NPFFR2: variants seen among roughly 807,000 people sequenced by gnomAD.
The protein encoded by NPFFR2 is neuropeptide FF receptor 2, also known as G-protein coupled receptor 74.
A neutral mutation model predicts 13.1 loss-of-function variants in NPFFR2; 15 were observed. The observed-to-expected ratio is 1.15, with a 90% CI of 0.77 to 1.76. NPFFR2 has a LOEUF of 1.76. Ranked by LOEUF, NPFFR2 falls within the 40% of genes most tolerant of loss-of-function variation. The pLI is 0.00. For missense variants in NPFFR2, 572 were observed against 503.5 expected (o/e 1.14, Z -1.30); for synonymous variants, 190 against 175.7 (o/e 1.08, Z -0.65).
At chr4:72,096,881 A>G (rs1721089245) in intron 1 of NPFFR2, among the ~76,000 whole-genome samples, 1 of 152,112 alleles carries the variant, frequency 6.6e-6, no homozygotes, top group Non-Finnish European at 1.5e-5. Context: ...AAAAAAATTT[A>G]AGTAAAACCA....
chr4:72,057,287 A>G (rs1347435795), intron 1 of NPFFR2, among the ~76,000 whole-genome samples: 7 of 151,902 alleles, frequency 4.6e-5, no homozygotes, highest in Admixed American at 2.0e-4. Flanking sequence ...TAGGGCTGCT[A>G]TAACGTATCA....
intron 1 of NPFFR2, among the ~76,000 whole-genome samples, chr4:72,082,520 A>G (rs1720657205): frequency 6.6e-6 from 1 of 152,106 alleles, no homozygotes; most frequent in African/African-American, 2.4e-5. Context: ...TTATTTATAC[A>G]CTATATAATT....
chr4:72,141,747 G>T (rs1332174835), intron 3 of NPFFR2, among the ~76,000 whole-genome samples: 5 of 152,138 alleles, frequency 3.3e-5, no homozygotes, highest in Non-Finnish European at 1.5e-5. Context: ...TTGATTTGGG[G>T]TGGAGAGTTC....
At chr4:72,120,821 A>C (rs1443230858) in intron 1 of NPFFR2, among the ~76,000 whole-genome samples, 2 of 152,134 alleles carry the variant, frequency 1.3e-5, no homozygotes, top group Non-Finnish European at 2.9e-5. Context: ...CAAAAATTCC[A>C]AAAACCAGAA....
At chr4:72,119,894 CA>C (rs1035287110) in intron 1 of NPFFR2, among the ~76,000 whole-genome samples, 1 of 152,022 alleles carries the variant, frequency 6.6e-6, no homozygotes, top group African/African-American at 2.4e-5. Flanking sequence ...TTCTTTTTTT[CA>C]TACCCCAGTG....
At chr4:72,093,783 GC>G (rs1445374836) in intron 1 of NPFFR2, among the ~76,000 whole-genome samples, 1 of 146,692 alleles carries the variant, frequency 6.8e-6, no homozygotes, top group Non-Finnish European at 1.5e-5. Flanking sequence ...TTTCTTTGGT[GC>G]CTCTTGGATT....
chr4:72,119,951 G>C (rs1445278985), intron 1 of NPFFR2, among the ~76,000 whole-genome samples: 3 of 152,108 alleles, frequency 2.0e-5, no homozygotes, highest in African/African-American at 7.2e-5. Context: ...CCCCTGGAGA[G>C]AGGGCTGAAA....
intron 1 of NPFFR2, among the ~76,000 whole-genome samples, chr4:72,038,481 C>T (rs7691717): frequency 1 from 152,257 of 152,308 alleles, 76,103 homozygotes; most frequent in Non-Finnish European, 1. Context: ...CATCTTTTTA[C>T]AGGTCCAGAC....
chr4:72,038,115 A>T (rs1051851786), intron 1 of NPFFR2, among the ~76,000 whole-genome samples: 12 of 151,976 alleles, frequency 7.9e-5, no homozygotes, highest in African/African-American at 2.7e-4. Flanking sequence ...CTCAATTACA[A>T]CTTTTGCACG....
At chr4:72,134,319 G>A (rs1722343464) in intron 2 of NPFFR2, among the ~76,000 whole-genome samples, 1 of 152,074 alleles carries the variant, frequency 6.6e-6, no homozygotes, top group African/African-American at 2.4e-5. Flanking sequence ...CTTCTCAGGA[G>A]GCAGCCACCT....
At chr4:72,113,433 A>G (rs1721621802) in intron 1 of NPFFR2, among the ~76,000 whole-genome samples, 1 of 152,062 alleles carries the variant, frequency 6.6e-6, no homozygotes, top group African/African-American at 2.4e-5. Context: ...CATTTCCCTC[A>G]TATCTAAGTG....
chr4:72,032,086 G>A lies in NPFFR2; in HGVS notation c.-122G>A, dbSNP rs1029334060. The A allele has an allele frequency of 5.6e-6, 9 of 1,614,122 alleles. No individual in the cohort carries two copies. Among genetic ancestry groups the A allele is most frequent in the African/African-American group, 1.3e-5 (1 of 75,072 alleles). ...TCCGCGGGGGACAGACGTCGGCTGG[G>A]ATTGAGCCGGCAGACTGCGAAAAGT... On this transcript the variant is annotated 5_prime_UTR_variant, in exon 1 of 4. Transcript: ENST00000308744.
At chr4:72,060,030 C>G (rs184483760) in intron 1 of NPFFR2, among the ~76,000 whole-genome samples, 85 of 152,178 alleles carry the variant, frequency 5.6e-4, no homozygotes, top group African/African-American at 2.0e-3. Context: ...GATGCTTTCT[C>G]AAGTAGATCC....
intron 1 of NPFFR2, among the ~76,000 whole-genome samples, chr4:72,125,129 A>G (rs887543193): frequency 1.3e-5 from 2 of 152,266 alleles, no homozygotes; most frequent in Non-Finnish European, 1.5e-5. Context: ...ACGAACAGAC[A>G]CTTCTCAAAA....
At chr4:72,060,978 A>G (rs1303389983) in intron 1 of NPFFR2, among the ~76,000 whole-genome samples, 1 of 152,164 alleles carries the variant, frequency 6.6e-6, no homozygotes, top group African/African-American at 2.4e-5. Flanking sequence ...CAGTCTCTTA[A>G]AGGAGAGTTT....
chr4:72,142,481 T>A (rs1035698383), intron 3 of NPFFR2, among the ~76,000 whole-genome samples: 1 of 152,058 alleles, frequency 6.6e-6, no homozygotes, highest in African/African-American at 2.4e-5. Flanking sequence ...GTACCTCAGG[T>A]GGAAATGCAG....
At chr4:72,041,244 T>C (rs1252928293) in intron 1 of NPFFR2, among the ~76,000 whole-genome samples, 2 of 152,194 alleles carry the variant, frequency 1.3e-5, no homozygotes, top group African/African-American at 2.4e-5. Context: ...TGAGAACATA[T>C]GGTATTTAGT....
intron 1 of NPFFR2, among the ~76,000 whole-genome samples, chr4:72,053,270 T>C (rs967693181): frequency 6.6e-6 from 1 of 151,778 alleles, no homozygotes; most frequent in African/African-American, 2.4e-5. Context: ...GAGATGTTTC[T>C]CAAGCTCCCA....
intron 1 of NPFFR2, among the ~76,000 whole-genome samples, chr4:72,085,544 C>CTTTCA (rs1376672601): frequency 3.9e-5 from 6 of 152,182 alleles, no homozygotes; most frequent in Admixed American, 6.6e-5. Context: ...AGCATAAAAC[C>CTTTCA]TTTCATTTCA....
Sources: gnomAD v4.1 joint callset for allele counts (sites outside exome capture counted in the v4.1 genomes callset) on GRCh38, gnomAD v4.1.1 for gene constraint, MANE v1.5 for transcripts, NCBI Gene and HGNC (gene_info 2026-07-23, HGNC 2026-07-21) for gene names.